TECR: variants seen among roughly 807,000 people sequenced by gnomAD.
TECR encodes the protein trans-2,3-enoyl-CoA reductase, also known as very-long-chain enoyl-CoA reductase.
TECR carries 19 observed loss-of-function variants against 50.6 expected under a neutral mutation model. That is an observed-to-expected ratio of 0.38 (90% CI 0.26 to 0.55). The LOEUF (loss-of-function observed/expected upper bound fraction) is 0.55. TECR is among the 20% of genes least tolerant of loss of function. The pLI is 0.79. For missense variants in TECR, 313 were observed against 408.3 expected (o/e 0.77, Z 2.01); for synonymous variants, 168 against 163.5 (o/e 1.03, Z -0.21).
At chr19:14,528,659 G>C (rs2072495474), upstream of TECR, among the ~76,000 whole-genome samples, 1 of 152,112 alleles carries the variant, frequency 6.6e-6, no homozygotes, top group Admixed American at 6.6e-5. Context: ...GTGGAGGGGG[G>C]CCGGGCGGGG....
At position 14,565,734 on chromosome 19, in the gene TECR, T is replaced by C. The variant is rs1002853309; in HGVS notation, c.800-10T>C. 4 of 1,612,512 alleles carry C rather than the reference T, an allele frequency of 2.5e-6. No homozygotes were observed. In the African/African-American group the frequency reaches 5.3e-5, roughly 22 times the overall value. ...GGCAGCCCCTCCCTGACGCCCGTTC[T>C]TTCCTGCAGTGGCCCTGTTCTCCCT... On this transcript the variant is annotated splice_polypyrimidine_tract_variant and intron_variant, in intron 12 of 12. Transcript: ENST00000215567.
chr19:14,564,364 C>A, intron 7 of TECR, 77 bp downstream of exon 7: 1 of 1,205,544 alleles, frequency 8.3e-7, no homozygotes, highest in South Asian at 1.3e-5. Flanking sequence ...GAGCCCCACC[C>A]CAAGGCCCTT....
chr19:14,555,554 T>C lies in TECR; in HGVS notation c.16-6971T>C, dbSNP rs368256078. On this transcript the variant is annotated intron_variant, in intron 1 of 12. Coordinates refer to ENST00000215567, the MANE Select transcript of TECR (RefSeq NM_138501.6). ...TCCATCTCCTGGGTTTAAGTGATTCTTGTGCCTCAGCCTCCCAAGTGGCTG... is the reference window on the plus strand; with the variant it reads ...TCCATCTCCTGGGTTTAAGTGATTCCTGTGCCTCAGCCTCCCAAGTGGCTG... 1.1e-3 allele frequency among the ~76,000 whole-genome samples: 171 copies of C among 151,726 alleles called. 1 individual carries two copies. The highest frequency in any genetic ancestry group is 4.1e-3 in the African/African-American group (169 of 41,352).
At chr19:14,553,191 G>A (rs747850213) in intron 1 of TECR, among the ~76,000 whole-genome samples, 1 of 152,168 alleles carries the variant, frequency 6.6e-6, no homozygotes, top group Non-Finnish European at 1.5e-5. Flanking sequence ...CTACCTGCTC[G>A]CTCGGGGCTC....
At chr19:14,531,218 T>G (rs577714736) in intron 1 of TECR, 5 of 151,240 alleles carry the variant, frequency 3.3e-5, no homozygotes, top group African/African-American at 1.2e-4. Flanking sequence ...GTATTTTTAG[T>G]AGAGATGGGG....
chr19:14,551,934 T>TCTCC (rs1437295610), intron 1 of TECR, among the ~76,000 whole-genome samples: 2 of 108,830 alleles, frequency 1.8e-5, no homozygotes, highest in Admixed American at 9.0e-5. Flanking sequence ...TCCCTCTCTC[T>TCTCC]CTCCCTCCCT....
At position 14,565,972 on chromosome 19, in the gene TECR, C is replaced by T; in HGVS notation, c.*101C>T. 6.4e-7 allele frequency: 1 copy of T among 1,553,736 alleles called. No individual in the cohort carries two copies. Among genetic ancestry groups the T allele is most frequent in the South Asian group, 1.2e-5 (1 of 85,556 alleles). On this transcript the variant is annotated 3_prime_UTR_variant, in exon 13 of 13. Coordinates refer to ENST00000215567, the MANE Select transcript of TECR (RefSeq NM_138501.6). Reference sequence around the variant, plus strand: ...GCACCCGGAATAAAGCCCGCCTGCCCCAGTCGGACTCGGGCTCTGTGTGTT... The same window carrying T: ...GCACCCGGAATAAAGCCCGCCTGCCTCAGTCGGACTCGGGCTCTGTGTGTT...
At chr19:14,552,956 C>T (rs1015791672) in intron 1 of TECR, among the ~76,000 whole-genome samples, 1 of 152,070 alleles carries the variant, frequency 6.6e-6, no homozygotes, top group Admixed American at 6.5e-5. Flanking sequence ...CAGCGTCGCT[C>T]TGGGTGGGCC....
chr19:14,543,781 C>T (rs1245697196), intron 1 of TECR, among the ~76,000 whole-genome samples: 1 of 150,718 alleles, frequency 6.6e-6, no homozygotes, highest in Non-Finnish European at 1.5e-5. Context: ...CTTTGTTGCC[C>T]AGGCTGGAGT....
intron 1 of TECR, among the ~76,000 whole-genome samples, chr19:14,560,156 C>T (rs751618512): frequency 6.6e-6 from 1 of 152,236 alleles, no homozygotes; most frequent in Non-Finnish European, 1.5e-5. Flanking sequence ...CCTCTCCCAG[C>T]AGCTAGCCGG....
At position 14,550,415 on chromosome 19, in the gene TECR, C is replaced by A. The variant is rs139626964; in HGVS notation, c.16-12110C>A. 2.4e-3 allele frequency among the ~76,000 whole-genome samples: 369 copies of A among 152,200 alleles called. 1 individual carries two copies. The highest frequency in any genetic ancestry group is 8.7e-3 in the African/African-American group (361 of 41,544). On this transcript the variant is annotated intron_variant, in intron 1 of 12. Coordinates refer to ENST00000215567, the MANE Select transcript of TECR (RefSeq NM_138501.6). ...CTGGACTCGGGCAGTCGGGGGTTGG[C>A]CCGGATGAGCTCCTCCTGCTCCTCC...
Position 14,563,090 on chromosome 19 carries a change from T to G in TECR, c.67-116T>G. On this transcript the variant is annotated intron_variant, in intron 2 of 12. Coordinates refer to ENST00000215567, the MANE Select transcript of TECR (RefSeq NM_138501.6). The surrounding 1 kb of genome is among the most constrained non-coding windows in gnomAD (Gnocchi z 5.3). Reference sequence around the variant, plus strand: ...CAGGCAGAGGCCTGGACCCCAGCCCTTCCCCCTTCCCATAGCTACAGCCCA... The same window carrying G: ...CAGGCAGAGGCCTGGACCCCAGCCCGTCCCCCTTCCCATAGCTACAGCCCA... 45 of 1,230,442 alleles carry G rather than the reference T, an allele frequency of 3.7e-5. No individual in the cohort carries two copies. Among genetic ancestry groups the G allele is most frequent in the Non-Finnish European group, 4.9e-5 (42 of 856,112 alleles). The allele number at this position is 1,230,442 out of a possible 1,614,324, so 76.2% of individuals were successfully genotyped here. A position where few individuals can be genotyped will look rare whatever the true frequency, so the allele number is the denominator to read the frequency against.
rs1461169125 is a variant in TECR, at chr19:14,563,969, C to A, written c.268-13C>A. 6.2e-7 allele frequency: 1 copy of A among 1,614,012 alleles called. No individual in the cohort carries two copies. The highest frequency in any genetic ancestry group is 1.1e-5 in the South Asian group (1 of 91,088). ...CACGTTGGGTGACTCATCTTGCCCC[C>A]CTCTACTCTCAGGTCTTCCTAACAG... is the stretch of plus-strand genomic sequence containing the variant. On this transcript the variant is annotated splice_polypyrimidine_tract_variant and intron_variant, in intron 5 of 12. Transcript: ENST00000215567. This position sits in a 1 kb window ranked among gnomAD's most constrained non-coding sequence, Gnocchi z 5.3.
chr19:14,558,635 C>G (rs1183898513), intron 1 of TECR, among the ~76,000 whole-genome samples: 2 of 152,176 alleles, frequency 1.3e-5, no homozygotes, highest in Non-Finnish European at 2.9e-5. Context: ...TTCCTGCCCT[C>G]TCCCTGCCCG....
intron 1 of TECR, among the ~76,000 whole-genome samples, chr19:14,557,519 T>A (rs1219031091): frequency 6.8e-6 from 1 of 148,134 alleles, no homozygotes; most frequent in Non-Finnish European, 1.5e-5. Context: ...TGGTGCGATA[T>A]CAGCTCACTG....
intron 1 of TECR, among the ~76,000 whole-genome samples, chr19:14,549,458 G>A (rs944852588): frequency 2.6e-5 from 4 of 151,914 alleles, no homozygotes; most frequent in Non-Finnish European, 4.4e-5. Flanking sequence ...AAGACCTTGT[G>A]ATCTGCCCTC....
chr19:14,546,725 C>A (rs946932040), intron 1 of TECR, among the ~76,000 whole-genome samples: 3 of 152,094 alleles, frequency 2.0e-5, no homozygotes, highest in African/African-American at 4.8e-5. Flanking sequence ...TGCTCTGTTG[C>A]CCTGGCTGGA....
intron 7 of TECR, 162 bp from the exon 8 acceptor site, chr19:14,564,624 C>T: frequency 2.8e-6 from 2 of 709,182 alleles, no homozygotes; most frequent in East Asian, 2.9e-5. Flanking sequence ...CAGAGCCCTG[C>T]CCTAGCCTCA....
chr19:14,533,136 T>A (rs563222561), intron 1 of TECR, among the ~76,000 whole-genome samples: 2 of 149,810 alleles, frequency 1.3e-5, no homozygotes, highest in South Asian at 4.2e-4. Flanking sequence ...AAGGATATAT[T>A]TCAGCTGGGC....
Sources: allele counts gnomAD v4.1 joint callset (sites outside exome capture counted in the v4.1 genomes callset), GRCh38; gene constraint gnomAD v4.1.1; non-coding constraint Gnocchi (gnomAD v3.1); transcripts MANE v1.5; gene names NCBI Gene and HGNC (gene_info 2026-07-23, HGNC 2026-07-21).